Variants in PLXNA4 observed in about 807,000 individuals in gnomAD.
PLXNA4 encodes the protein plexin-A4.
Under a neutral mutation model 191.8 loss-of-function variants are expected in PLXNA4, and 44 were observed. The observed-to-expected ratio is 0.23, with a 90% CI of 0.18 to 0.29. The LOEUF (loss-of-function observed/expected upper bound fraction) is 0.29. Ranked by LOEUF, PLXNA4 falls within the 10% of genes least tolerant of loss-of-function variation. The pLI is 1.00. For missense variants in PLXNA4, 1,800 were observed against 2,488.8 expected, an observed-to-expected ratio of 0.72 and a Z score of 5.89; for synonymous variants, 1,082 against 1,009.5, an observed-to-expected ratio of 1.07 and a Z score of -1.36.
At chr7:132,230,205 G>T (rs1798477302) in intron 5 of PLXNA4, among the ~76,000 whole-genome samples, 2 of 152,128 alleles carry the variant, frequency 1.3e-5, no homozygotes, top group South Asian at 4.1e-4. Context: ...ACCCCACCTT[G>T]TCAGGATGTG....
rs1796086017 is a variant in PLXNA4 at position 132,165,170 on chromosome 7, G to A, written c.4317C>T (p.Thr1439=). 6.2e-7 allele frequency: 1 copy of A among 1,613,344 alleles called. No individual in the cohort carries two copies. The highest frequency in any genetic ancestry group is 8.5e-7 in the Non-Finnish European group (1 of 1,179,514). The part of the protein sequence containing the change: ...RTESVAEKML[T]NWFTFLLYKF... ...TGTAGAGGAGGAAAGTAAACCAATT[G>A]GTCAGCATCTTCTCAGCCACTGACT... Residue 1439 remains threonine (T), a synonymous_variant, in exon 23 of 32, where the codon ACC becomes ACT. Coordinates refer to ENST00000321063, the MANE Select transcript of PLXNA4 (RefSeq NM_020911.2).
At chr7:132,228,798 C>T (rs1798423707) in intron 5 of PLXNA4, among the ~76,000 whole-genome samples, 1 of 152,230 alleles carries the variant, frequency 6.6e-6, no homozygotes, top group Non-Finnish European at 1.5e-5. Flanking sequence ...ATTCTCTTCT[C>T]CTCCTTAGGC....
At chr7:132,372,314 T>C (rs1804473957) in intron 3 of PLXNA4, among the ~76,000 whole-genome samples, 1 of 152,262 alleles carries the variant, frequency 6.6e-6, no homozygotes, top group Admixed American at 6.5e-5. Flanking sequence ...TTTTGATGTT[T>C]ACATTTTCCC....
At chr7:132,497,354 C>T (rs1798067753) in intron 2 of PLXNA4, among the ~76,000 whole-genome samples, 1 of 152,210 alleles carries the variant, frequency 6.6e-6, no homozygotes, top group East Asian at 1.9e-4. Flanking sequence ...AATATGACGG[C>T]TGACCCCTAA....
chr7:132,237,980 G>C (rs1185534855), intron 5 of PLXNA4, among the ~76,000 whole-genome samples: 3 of 152,188 alleles, frequency 2.0e-5, no homozygotes, highest in East Asian at 3.8e-4. Context: ...CTATGAACAA[G>C]TGTCCTCTTC....
At chr7:132,495,209 G>A (rs1031890759) in intron 2 of PLXNA4, among the ~76,000 whole-genome samples, 1 of 152,048 alleles carries the variant, frequency 6.6e-6, no homozygotes, top group Non-Finnish European at 1.5e-5. Flanking sequence ...TTTTAGCCCC[G>A]GCCCTGGCTT....
chr7:132,577,064 G>A (rs1802276459), upstream of PLXNA4: 1 of 146,570 alleles, frequency 6.8e-6, no homozygotes, highest in African/African-American at 2.5e-5. Context: ...CCGGGGCTGG[G>A]GGGCCGCGGG....
chr7:132,497,820 G>A (rs558589257), intron 2 of PLXNA4, among the ~76,000 whole-genome samples: 1 of 152,150 alleles, frequency 6.6e-6, no homozygotes, highest in Admixed American at 6.5e-5. Flanking sequence ...CAATGCTGGA[G>A]TGAGGGCTCA....
intron 4 of PLXNA4, among the ~76,000 whole-genome samples, chr7:132,290,983 C>G (rs895013321): frequency 3.3e-5 from 5 of 152,214 alleles, no homozygotes; most frequent in African/African-American, 1.2e-4. Context: ...CATGGAATAT[C>G]TCATTGAATC....
chr7:132,412,306 C>A (rs573273687), intron 3 of PLXNA4, among the ~76,000 whole-genome samples: 1 of 152,326 alleles, frequency 6.6e-6, no homozygotes, highest in South Asian at 2.1e-4. Flanking sequence ...AATGAAGTTG[C>A]TAGATGAAAT....
At chr7:132,341,874 G>A (rs1053329084) in intron 3 of PLXNA4, among the ~76,000 whole-genome samples, 2 of 152,226 alleles carry the variant, frequency 1.3e-5, no homozygotes, top group Non-Finnish European at 2.9e-5. Context: ...ATATGCAAGA[G>A]GGTGCTATTA....
In PLXNA4 at chr7:132,127,883, AACAATAACAATAATC is replaced by A. The variant is rs1794814679; in HGVS notation, c.*2581_*2595del. The stretch of plus-strand genomic sequence containing the variant: ...AAATAAAGTCCTGTACCGCCAAAGT[AACAATAACAATAATC>A]ATCATCCAGTAAAAAATAAAAGCTT... On this transcript the variant is annotated 3_prime_UTR_variant, in exon 32 of 32. Transcript: ENST00000321063. 1 of 49,418 alleles carries A rather than the reference AACAATAACAATAATC, an allele frequency of 2.0e-5. No homozygotes were observed. The highest frequency in any genetic ancestry group is 5.3e-5 in the Non-Finnish European group (1 of 18,740). 3.1% of individuals were successfully genotyped at this position (49,418 alleles called of 1,614,324 possible). A position where few individuals can be genotyped will look rare whatever the true frequency, so the allele number is the denominator to read the frequency against.
chr7:132,470,990 T>A (rs1203299398), intron 3 of PLXNA4, among the ~76,000 whole-genome samples: 1 of 152,180 alleles, frequency 6.6e-6, no homozygotes, highest in Non-Finnish European at 1.5e-5. Flanking sequence ...TGAATTGTAA[T>A]CCTCAGTATT....
chr7:132,187,442 G>C (rs1252492122), intron 15 of PLXNA4, 29 bp downstream of exon 15: 2 of 1,604,058 alleles, frequency 1.2e-6, no homozygotes, highest in Non-Finnish European at 1.7e-6. Flanking sequence ...TCCCTCTCTG[G>C]TGCTGCAGAA....
chr7:132,251,678 A>T (rs1343900556), intron 4 of PLXNA4, among the ~76,000 whole-genome samples: 1 of 152,200 alleles, frequency 6.6e-6, no homozygotes, highest in East Asian at 1.9e-4. Context: ...TAAATGATAC[A>T]TTTTGTGAAT....
chr7:132,150,318 C>A (rs1333527906), intron 25 of PLXNA4, among the ~76,000 whole-genome samples: 1 of 152,140 alleles, frequency 6.6e-6, no homozygotes, highest in African/African-American at 2.4e-5. Context: ...GGTATGCATG[C>A]ATGCACTTTT....
intron 4 of PLXNA4, among the ~76,000 whole-genome samples, chr7:132,290,163 G>A (rs1429423300): frequency 6.6e-6 from 1 of 152,214 alleles, no homozygotes; most frequent in Non-Finnish European, 1.5e-5. Flanking sequence ...CTGTGAACAG[G>A]AGTCAGTAAA....
chr7:132,529,453 G>T (rs1205079506), intron 1 of PLXNA4, among the ~76,000 whole-genome samples: 1 of 152,108 alleles, frequency 6.6e-6, no homozygotes, highest in Non-Finnish European at 1.5e-5. Context: ...GGACATGAAG[G>T]CTGTGTTGAA....
intron 3 of PLXNA4, among the ~76,000 whole-genome samples, chr7:132,407,087 C>A (rs891366922): frequency 6.6e-6 from 1 of 152,260 alleles, no homozygotes; most frequent in Non-Finnish European, 1.5e-5. Context: ...CACTGATGGC[C>A]CTGACTGATG....
Sources: gnomAD v4.1 joint callset for allele counts (sites outside exome capture counted in the v4.1 genomes callset) on GRCh38, gnomAD v4.1.1 for gene constraint, MANE v1.5 for transcripts, NCBI Gene and HGNC (gene_info 2026-07-23, HGNC 2026-07-21) for gene names.